The following MAGI2 variants were observed in gnomAD, a reference collection of about 807,000 sequenced individuals.
MAGI2 encodes the protein membrane associated guanylate kinase, WW and PDZ domain containing 2.
Under a neutral mutation model 133.3 loss-of-function variants are expected in MAGI2, and 35 were observed. The ratio of observed to expected loss-of-function variants is 0.26; its 90% CI spans 0.20 to 0.35. The LOEUF (loss-of-function observed/expected upper bound fraction) is 0.35. Among genes scored for constraint, MAGI2 ranks in the 10% least tolerant of loss-of-function variants. The pLI, the probability that MAGI2 is intolerant of heterozygous loss-of-function variation, is 1.00. For synonymous variants in MAGI2, 729 were observed against 710.6 expected, an observed-to-expected ratio of 1.03 and a Z score of -0.41; for missense variants, 1,636 against 1,863.4, an observed-to-expected ratio of 0.88 and a Z score of 2.25.
chr7:78,986,412 C>A (rs1805267335), intron 2 of MAGI2, among the ~76,000 whole-genome samples: 1 of 152,018 alleles, frequency 6.6e-6, no homozygotes. Flanking sequence ...GAAATACCAT[C>A]CCTAGGAGAT....
chr7:79,386,219 C>T (rs913903585), intron 1 of MAGI2, among the ~76,000 whole-genome samples: 1 of 151,798 alleles, frequency 6.6e-6, no homozygotes, highest in Non-Finnish European at 1.5e-5. Context: ...TCTGTAGGTA[C>T]GTCAAAATTG....
intron 5 of MAGI2, among the ~76,000 whole-genome samples, chr7:78,497,467 AC>A (rs1055442052): frequency 3.3e-5 from 5 of 152,062 alleles, no homozygotes; most frequent in Non-Finnish European, 7.4e-5. Flanking sequence ...GGCAGAAAAA[AC>A]CTTTCCCTCT....
intron 1 of MAGI2, among the ~76,000 whole-genome samples, chr7:79,433,766 C>T (rs1444452707): frequency 7.2e-5 from 11 of 151,858 alleles, no homozygotes; most frequent in African/African-American, 2.7e-4. Context: ...CTCTCAAGTT[C>T]AGCATTAAAA....
intron 2 of MAGI2, among the ~76,000 whole-genome samples, chr7:78,685,683 C>A (rs1816221479): frequency 6.6e-6 from 1 of 151,700 alleles, no homozygotes; most frequent in Admixed American, 6.6e-5. Context: ...TAGGTTAGCA[C>A]ATAGTATGTG....
intron 3 of MAGI2, among the ~76,000 whole-genome samples, chr7:78,613,155 G>A (rs1806659285): frequency 6.6e-6 from 1 of 152,092 alleles, no homozygotes; most frequent in Admixed American, 6.6e-5. Context: ...AACATGTAAA[G>A]TGTGAAGAAT....
intron 2 of MAGI2, among the ~76,000 whole-genome samples, chr7:78,791,151 G>T (rs541752248): frequency 6.6e-6 from 1 of 152,074 alleles, no homozygotes; most frequent in Non-Finnish European, 1.5e-5. Context: ...GGAGTCCTCC[G>T]TAATAGAAAA....
intron 1 of MAGI2, among the ~76,000 whole-genome samples, chr7:79,233,953 T>C (rs1831627017): frequency 6.7e-6 from 1 of 149,268 alleles, no homozygotes; most frequent in Non-Finnish European, 1.5e-5. Context: ...TTTCCATGTT[T>C]AGCGCTTCCT....
chr7:78,731,731 G>C (rs973178032), intron 2 of MAGI2, among the ~76,000 whole-genome samples: 9 of 152,042 alleles, frequency 5.9e-5, no homozygotes, highest in Non-Finnish European at 1.2e-4. Context: ...TGAAATGAGT[G>C]GGGGACCATG....
At chr7:78,498,199 C>T (rs73703433) in intron 5 of MAGI2, among the ~76,000 whole-genome samples, 4,543 of 152,248 alleles carry the variant, frequency 0.03, 221 homozygotes, top group African/African-American at 0.1. Context: ...AGTAGCTTAA[C>T]TGAGCCATCC....
chr7:78,390,079 T>C (rs1003413471), intron 6 of MAGI2, among the ~76,000 whole-genome samples: 2 of 152,264 alleles, frequency 1.3e-5, no homozygotes, highest in Non-Finnish European at 2.9e-5. Flanking sequence ...CCATATTTTA[T>C]GCTTTCAAAC....
At chr7:78,323,824 G>T (rs1329710522) in intron 9 of MAGI2, among the ~76,000 whole-genome samples, 2 of 152,068 alleles carry the variant, frequency 1.3e-5, no homozygotes, top group African/African-American at 4.8e-5. Context: ...AACAACAAAT[G>T]ATACTCACTT....
At chr7:78,753,385 G>A (rs917359066) in intron 2 of MAGI2, among the ~76,000 whole-genome samples, 24 of 152,022 alleles carry the variant, frequency 1.6e-4, no homozygotes, top group Middle Eastern at 6.8e-3. Flanking sequence ...CAGTAAATTC[G>A]AAATAAGATT....
chr7:78,732,340 T>C (rs1821445749), intron 2 of MAGI2, among the ~76,000 whole-genome samples: 2 of 152,178 alleles, frequency 1.3e-5, no homozygotes, highest in Admixed American at 1.3e-4. Flanking sequence ...AATCAGGACA[T>C]ATAGTCTGAC....
At chr7:78,022,735 A>T (rs1808521152) in intron 21 of MAGI2, among the ~76,000 whole-genome samples, 1 of 152,210 alleles carries the variant, frequency 6.6e-6, no homozygotes, top group African/African-American at 2.4e-5. Flanking sequence ...AAAAATATTC[A>T]TCCATCCATC....
Position 78,178,257 on chromosome 7 carries a change from A to G in MAGI2, c.2312-155T>C, listed in dbSNP as rs190469300. 1.1e-3 allele frequency among the ~76,000 whole-genome samples: 170 copies of G among 152,306 alleles called. 2 individuals carry two copies. The highest frequency in any genetic ancestry group is 5.9e-4 in the Non-Finnish European group (40 of 68,022). ...CCATAGAGGATACAAAAAATATGGC[A>G]GCAAAAAAGTAGGTGTTCCAAATGT... On this transcript the variant is annotated intron_variant, in intron 13 of 21. Coordinates refer to ENST00000354212, the MANE Select transcript of MAGI2 (RefSeq NM_012301.4).
intron 2 of MAGI2, among the ~76,000 whole-genome samples, chr7:78,713,047 A>T (rs144975578): frequency 5.9e-5 from 9 of 152,212 alleles, no homozygotes; most frequent in African/African-American, 2.2e-4. Flanking sequence ...TGAAATGAAA[A>T]CCAAAATTAC....
chr7:79,311,888 T>G (rs1838319927), intron 1 of MAGI2, among the ~76,000 whole-genome samples: 1 of 152,190 alleles, frequency 6.6e-6, no homozygotes, highest in Non-Finnish European at 1.5e-5. Context: ...TCTCTCTTTT[T>G]GTCATATTTC....
At chr7:78,849,188 C>T (rs1477427353) in intron 2 of MAGI2, among the ~76,000 whole-genome samples, 3 of 152,010 alleles carry the variant, frequency 2.0e-5, no homozygotes, top group Non-Finnish European at 2.9e-5. Context: ...AAAACATGGA[C>T]TTGACTTTTT....
chr7:78,704,768 G>A (rs1818437336), intron 2 of MAGI2, among the ~76,000 whole-genome samples: 2 of 59,954 alleles, frequency 3.3e-5, no homozygotes, highest in African/African-American at 1.4e-4. Context: ...AGGAGCAGGA[G>A]GCCATTATTC....
Sources: allele counts gnomAD v4.1 joint callset (sites outside exome capture counted in the v4.1 genomes callset), GRCh38; gene constraint gnomAD v4.1.1; transcripts MANE v1.5; gene names NCBI Gene and HGNC (gene_info 2026-07-23, HGNC 2026-07-21).